LY96: variants seen among roughly 807,000 people sequenced by gnomAD.
LY96 encodes lymphocyte antigen 96.
LY96 carries 18 observed loss-of-function variants against 18.9 expected under a neutral mutation model. The observed-to-expected ratio is 0.95, with a 90% CI of 0.66 to 1.41. The LOEUF is 1.41. LY96 is among the 40% of genes most tolerant of loss of function. LY96 has a pLI of 0.00. For missense variants in LY96, 175 were observed against 182.4 expected (o/e 0.96, Z 0.23); for synonymous variants, 66 against 62.6 (o/e 1.06, Z -0.26).
the LY96 span, among the ~76,000 whole-genome samples, chr8:74,050,975 A>G: frequency 5.3e-5 from 8 of 152,154 alleles, no homozygotes; most frequent in African/African-American, 1.9e-4. Context: ...GTGAGCTGAG[A>G]TCGTGCCACC....
At chr8:74,073,264 C>A in the LY96 span, among the ~76,000 whole-genome samples, 1 of 152,162 alleles carries the variant, frequency 6.6e-6, no homozygotes, top group East Asian at 1.9e-4. Flanking sequence ...GAAGGCAGAG[C>A]AGTTGCAGGT....
At chr8:74,049,321 G>A in the LY96 span, among the ~76,000 whole-genome samples, 1 of 152,168 alleles carries the variant, frequency 6.6e-6, no homozygotes, top group Admixed American at 6.6e-5. Context: ...TGATTGCCTA[G>A]CAATGTATTC....
chr8:74,003,998 G>A (rs1049152299), intron 1 of LY96, among the ~76,000 whole-genome samples: 4 of 152,128 alleles, frequency 2.6e-5, no homozygotes, highest in South Asian at 2.1e-4. Context: ...GGGTGGTGAA[G>A]GGAACTGTGG....
At chr8:73,992,342 G>A (rs1218067842) in intron 1 of LY96, among the ~76,000 whole-genome samples, 2 of 152,112 alleles carry the variant, frequency 1.3e-5, no homozygotes, top group East Asian at 1.9e-4. Flanking sequence ...CCACCCACTA[G>A]CAATAGCTGG....
the LY96 span, among the ~76,000 whole-genome samples, chr8:74,090,825 A>T: frequency 6.6e-6 from 1 of 152,216 alleles, no homozygotes; most frequent in Non-Finnish European, 1.5e-5. Context: ...ATATGAAACT[A>T]ACATTTGAAA....
chr8:74,075,539 G>A, the LY96 span, among the ~76,000 whole-genome samples: 1 of 152,274 alleles, frequency 6.6e-6, no homozygotes, highest in East Asian at 1.9e-4. Context: ...CCAAAGTGTT[G>A]GGATTATAGG....
intron 1 of LY96, among the ~76,000 whole-genome samples, chr8:73,997,861 G>C (rs1376356580): frequency 6.6e-6 from 1 of 152,204 alleles, no homozygotes; most frequent in Non-Finnish European, 1.5e-5. Flanking sequence ...TAAGGTGCAG[G>C]ATAAGGGGAC....
At chr8:74,004,717 A>G (rs1296097213) in intron 1 of LY96, 79 bp from the exon 2 acceptor site, 1 of 1,289,688 alleles carries the variant, frequency 7.8e-7, no homozygotes, top group Non-Finnish European at 1.1e-6. Context: ...GATTCATCTT[A>G]AAAGGCTGAT....
intron 3 of LY96, among the ~76,000 whole-genome samples, chr8:74,023,790 T>C (rs1816816049): frequency 6.6e-6 from 1 of 152,224 alleles, no homozygotes; most frequent in Non-Finnish European, 1.5e-5. Flanking sequence ...TGAAGTTAAA[T>C]GCTTTAATAT....
chr8:74,026,510 C>A (rs1049429560), intron 3 of LY96, among the ~76,000 whole-genome samples: 4 of 152,180 alleles, frequency 2.6e-5, no homozygotes, highest in Admixed American at 6.5e-5. Flanking sequence ...AGCATATTAG[C>A]ACTAGCTTGT....
At chr8:74,086,110 T>A in the LY96 span, among the ~76,000 whole-genome samples, 2 of 152,122 alleles carry the variant, frequency 1.3e-5, no homozygotes, top group African/African-American at 4.8e-5. Flanking sequence ...CTTTTTTAGA[T>A]CCCACATATA....
chr8:74,092,337 G>C, the LY96 span, among the ~76,000 whole-genome samples: 2 of 152,134 alleles, frequency 1.3e-5, no homozygotes, highest in South Asian at 4.1e-4. Context: ...GGAAAACAGG[G>C]AAAATGAGTA....
chr8:74,078,285 TG>T, the LY96 span, among the ~76,000 whole-genome samples: 1 of 152,114 alleles, frequency 6.6e-6, no homozygotes, highest in African/African-American at 2.4e-5. Context: ...CAGTGGAGTG[TG>T]AGGATTTTCC....
At chr8:74,025,563 G>C (rs1816851957) in intron 3 of LY96, among the ~76,000 whole-genome samples, 1 of 150,842 alleles carries the variant, frequency 6.6e-6, no homozygotes, top group Non-Finnish European at 1.5e-5. Flanking sequence ...GCTGAGGCAG[G>C]AGAATGGCGT....
chr8:74,073,130 G>C, the LY96 span, among the ~76,000 whole-genome samples: 3 of 152,188 alleles, frequency 2.0e-5, no homozygotes, highest in Non-Finnish European at 4.4e-5. Context: ...ACTGAAATCC[G>C]TGTCACGTCT....
At chr8:74,088,124 A>AATGGAATGGAATGGAATGGAATG in the LY96 span, among the ~76,000 whole-genome samples, 2 of 151,590 alleles carry the variant, frequency 1.3e-5, no homozygotes, top group African/African-American at 4.9e-5. Flanking sequence ...AGAATAGAAT[A>AATGGAATGGAATGGAATGGAATG]GAATAGAATA....
At chr8:74,060,833 G>A in the LY96 span, among the ~76,000 whole-genome samples, 1 of 152,182 alleles carries the variant, frequency 6.6e-6, no homozygotes, top group Admixed American at 6.5e-5. Context: ...AACACTTGGG[G>A]TAATTCCAGG....
chr8:74,021,119 C>G (rs1816748967), intron 3 of LY96, among the ~76,000 whole-genome samples: 1 of 152,166 alleles, frequency 6.6e-6, no homozygotes, highest in Non-Finnish European at 1.5e-5. Flanking sequence ...AAACTGTCAT[C>G]AGATTGAACA....
chr8:74,031,352 G>A (rs1816966306), downstream of LY96, among the ~76,000 whole-genome samples: 1 of 152,234 alleles, frequency 6.6e-6, no homozygotes, highest in South Asian at 2.1e-4. Context: ...ATTTTGCTGG[G>A]TGTGGTGGCT....
Sources: allele counts gnomAD v4.1 joint callset (sites outside exome capture counted in the v4.1 genomes callset), GRCh38; gene constraint gnomAD v4.1.1; transcripts MANE v1.5; gene names NCBI Gene and HGNC (gene_info 2026-07-23, HGNC 2026-07-21).